TOX: variants seen among roughly 807,000 people sequenced by gnomAD.
The protein encoded by TOX is thymocyte selection-associated high mobility group box protein TOX.
Under a neutral mutation model 53.7 loss-of-function variants are expected in TOX, and 11 were observed. The ratio of observed to expected loss-of-function variants is 0.20; its 90% CI spans 0.13 to 0.34. The LOEUF (loss-of-function observed/expected upper bound fraction) is 0.34, where lower values mean the gene tolerates loss of function less well. Among genes scored for constraint, TOX ranks in the 10% least tolerant of loss-of-function variants. The pLI, the probability that TOX is intolerant of heterozygous loss-of-function variation, is 1.00. For missense variants in TOX, 570 were observed against 664.6 expected, an observed-to-expected ratio of 0.86 and a Z score of 1.56; for synonymous variants, 225 against 245.3, an observed-to-expected ratio of 0.92 and a Z score of 0.77.
intron 3 of TOX, among the ~76,000 whole-genome samples, chr8:58,853,322 T>C (rs1277668251): frequency 3.9e-5 from 6 of 152,142 alleles, no homozygotes; most frequent in Non-Finnish European, 7.4e-5. Flanking sequence ...CCTTCAAAAG[T>C]AGTTCAGGAT....
At chr8:58,824,588 T>C (rs991930021) in intron 6 of TOX, among the ~76,000 whole-genome samples, 1 of 152,238 alleles carries the variant, frequency 6.6e-6, no homozygotes, top group African/African-American at 2.4e-5. Context: ...TACAAGCTCC[T>C]GTCTTCCTTC....
intron 1 of TOX, among the ~76,000 whole-genome samples, chr8:58,981,113 T>C (rs557880040): frequency 1.1e-4 from 16 of 152,338 alleles, no homozygotes; most frequent in Admixed American, 9.2e-4. Context: ...GCAGTTCGAC[T>C]TCCTGTAGGC....
intron 1 of TOX, among the ~76,000 whole-genome samples, chr8:59,059,289 G>A (rs924728266): frequency 1.3e-5 from 2 of 152,220 alleles, no homozygotes; most frequent in Admixed American, 6.5e-5. Flanking sequence ...CTTTCTAAGA[G>A]CCTGGAGAAG....
chr8:58,851,185 T>TCA lies in TOX; in HGVS notation c.693+337_693+338dup, dbSNP rs68047111. ...CTCTCTCTCTCTCTCTCTCTCTCTC[T>TCA]CACACACACACACACACACACACAC... On this transcript the variant is annotated intron_variant, in intron 4 of 8. Transcript: ENST00000361421. This position sits in a 1 kb window ranked among gnomAD's most constrained non-coding sequence, Gnocchi z 4.4. 7.9e-3 allele frequency among the ~76,000 whole-genome samples: 1,113 copies of TCA among 140,796 alleles called. 6 individuals carry two copies. Among genetic ancestry groups the TCA allele is most frequent in the Middle Eastern group, 0.017 (5 of 288 alleles). The allele number at this position is 140,796 out of a possible 152,430, so 92.4% of individuals were successfully genotyped here. A position where few individuals can be genotyped will look rare whatever the true frequency, so the allele number is the denominator to read the frequency against.
At chr8:58,934,620 C>A (rs572894051) in intron 3 of TOX, among the ~76,000 whole-genome samples, 79 of 152,238 alleles carry the variant, frequency 5.2e-4, no homozygotes, top group African/African-American at 1.8e-3. Context: ...AATAAAGACA[C>A]CCAGTAAAGG....
In TOX at chr8:59,079,894, C is replaced by T. The variant is rs562432601; in HGVS notation, c.102+38992G>A. Among the ~76,000 whole-genome samples, 47 of 152,164 alleles carry T rather than the reference C, an allele frequency of 3.1e-4. 1 individual carries two copies. The highest frequency in any genetic ancestry group is 3.1e-4 in the Non-Finnish European group (21 of 68,030). On this transcript the variant is annotated intron_variant, in intron 1 of 8. Coordinates refer to ENST00000361421, the MANE Select transcript of TOX (RefSeq NM_014729.3). ...TCAGGGGCTTAGCCCTGCAAAGCCA[C>T]AGGAGTGGAGCTGCCCAAGGCCTTG...
At chr8:58,978,891 T>A (rs1813154095) in intron 1 of TOX, among the ~76,000 whole-genome samples, 1 of 152,212 alleles carries the variant, frequency 6.6e-6, no homozygotes, top group South Asian at 2.1e-4. Context: ...TTTTAAAGTA[T>A]TTTTTGTGGA....
chr8:58,922,853 A>C (rs1418685399), intron 3 of TOX, among the ~76,000 whole-genome samples: 1 of 152,222 alleles, frequency 6.6e-6, no homozygotes, highest in Non-Finnish European at 1.5e-5. Context: ...GGCGAGCGGC[A>C]GGGCAGGAGC....
chr8:59,074,339 G>C (rs1804253408), intron 1 of TOX, among the ~76,000 whole-genome samples: 1 of 152,152 alleles, frequency 6.6e-6, no homozygotes, highest in African/African-American at 2.4e-5. Flanking sequence ...TATTTGTAGA[G>C]CAGAGAAAAA....
At position 59,033,490 on chromosome 8, in the gene TOX, A is replaced by ACTG. The variant is rs34782892; in HGVS notation, c.103-73485_103-73483dup. 2.8e-3 allele frequency among the ~76,000 whole-genome samples: 429 copies of ACTG among 152,352 alleles called. 1 individual carries two copies. The highest frequency in any genetic ancestry group is 4.8e-3 in the Non-Finnish European group (329 of 68,030). On this transcript the variant is annotated intron_variant, in intron 1 of 8. Coordinates refer to ENST00000361421, the MANE Select transcript of TOX (RefSeq NM_014729.3). The stretch of plus-strand genomic sequence containing the variant: ...CAACAGTGTGAAAGTACTTAATGCC[A>ACTG]CTGCACCTGCACACTGAAAAATGGT...
intron 3 of TOX, among the ~76,000 whole-genome samples, chr8:58,881,723 CAAAAAAAAA>C (rs11316154): frequency 1.2e-5 from 1 of 82,524 alleles, no homozygotes; most frequent in Non-Finnish European, 2.2e-5. Context: ...GATTCCATCT[CAAAAAAAAA>C]AAAAAAAAAA....
At chr8:59,070,506 AACACACACACACACACACACAC>A (rs371344375) in intron 1 of TOX, among the ~76,000 whole-genome samples, 2 of 140,112 alleles carry the variant, frequency 1.4e-5, no homozygotes, top group African/African-American at 5.3e-5. Context: ...TGTCAAGGAA[AACACACACACACACACACACAC>A]ACACACACAC....
chr8:59,092,307 T>TATATTATAC lies in TOX; in HGVS notation c.102+26578_102+26579insGTATAATAT, dbSNP rs1563443781. 1.8e-4 allele frequency among the ~76,000 whole-genome samples: 20 copies of TATATTATAC among 112,146 alleles called. No homozygotes were observed. In the East Asian group the frequency reaches 2.3e-3, roughly 13 times the overall value. 73.6% of individuals were successfully genotyped at this position (112,146 alleles called of 152,430 possible). On this transcript the variant is annotated intron_variant, in intron 1 of 8. Transcript: ENST00000361421. Reference sequence around the variant, plus strand: ...TTATATATACATTATATATATTATATATTATATATACATATATATATTATA... The same window carrying TATATTATAC: ...TTATATATACATTATATATATTATATATATTATACATTATATATACATATATATATTATA...
intron 1 of TOX, among the ~76,000 whole-genome samples, chr8:59,030,823 T>C (rs1175770024): frequency 6.6e-6 from 1 of 152,220 alleles, no homozygotes; most frequent in East Asian, 1.9e-4. Flanking sequence ...TACCTGTGTG[T>C]GTTTTCAATG....
intron 1 of TOX, among the ~76,000 whole-genome samples, chr8:59,039,536 G>C (rs897794868): frequency 5.3e-5 from 8 of 152,128 alleles, no homozygotes; most frequent in African/African-American, 1.7e-4. Flanking sequence ...TATGCTCAAT[G>C]CATTTCCCAG....
chr8:58,956,125 C>T lies in TOX; in HGVS notation c.168+3818G>A, dbSNP rs573113038. ...AAAACTGAAAAATCAAATAAAATAACCTAGTGCTGTAGAAAGTTCTGAAGA... is the reference window on the plus strand; with the variant it reads ...AAAACTGAAAAATCAAATAAAATAATCTAGTGCTGTAGAAAGTTCTGAAGA... On this transcript the variant is annotated intron_variant, in intron 2 of 8. Transcript: ENST00000361421. 2.9e-4 allele frequency among the ~76,000 whole-genome samples: 44 copies of T among 152,228 alleles called. 1 individual carries two copies. The highest frequency in any genetic ancestry group is 1.0e-3 in the African/African-American group (43 of 41,522).
chr8:58,922,643 G>A (rs1812092740), intron 3 of TOX, among the ~76,000 whole-genome samples: 1 of 152,214 alleles, frequency 6.6e-6, no homozygotes, highest in African/African-American at 2.4e-5. Flanking sequence ...GTGGAACACA[G>A]CAGGATTAGG....
chr8:58,858,968 G>A (rs913003700), intron 3 of TOX, among the ~76,000 whole-genome samples: 4 of 152,088 alleles, frequency 2.6e-5, no homozygotes, highest in Non-Finnish European at 5.9e-5. Context: ...TTTTGCCAGG[G>A]ATTCAATTAA....
At chr8:59,011,317 G>A (rs1400326118) in intron 1 of TOX, among the ~76,000 whole-genome samples, 1 of 152,180 alleles carries the variant, frequency 6.6e-6, no homozygotes, top group Non-Finnish European at 1.5e-5. Flanking sequence ...AGCACAATGA[G>A]CAGCTTTTCT....
Sources: gnomAD v4.1 joint callset for allele counts (sites outside exome capture counted in the v4.1 genomes callset) on GRCh38, gnomAD v4.1.1 for gene constraint, Gnocchi (gnomAD v3.1) non-coding constraint, MANE v1.5 for transcripts, NCBI Gene and HGNC (gene_info 2026-07-23, HGNC 2026-07-21) for gene names.